ZFAT: variants seen among roughly 807,000 people sequenced by gnomAD.
The protein encoded by ZFAT is zinc finger protein ZFAT.
A neutral mutation model predicts 117.7 loss-of-function variants in ZFAT; 64 were observed. That is an observed-to-expected ratio of 0.54 (90% confidence interval 0.44 to 0.67). The LOEUF is 0.67. Among genes scored for constraint, ZFAT ranks in the 30% least tolerant of loss-of-function variants. The probability of loss-of-function intolerance (pLI) is 0.00; values close to 1 mark genes in which losing one functional copy is unlikely to be tolerated. For missense variants in ZFAT, 1,433 were observed against 1,584.5 expected, an observed-to-expected ratio of 0.90 and a Z score of 1.62; for synonymous variants, 679 against 615.0, an observed-to-expected ratio of 1.10 and a Z score of -1.54.
At position 134,674,529 on chromosome 8, in the gene ZFAT, A is replaced by G. The variant is rs139815083; in HGVS notation, c.20-16792T>C. 2.4e-3 allele frequency among the ~76,000 whole-genome samples: 364 copies of G among 152,316 alleles called. 2 individuals carry two copies. The highest frequency in any genetic ancestry group is 8.5e-3 in the African/African-American group (352 of 41,582). On this transcript the variant is annotated intron_variant, in intron 1 of 15. Coordinates refer to ENST00000377838, the MANE Select transcript of ZFAT (RefSeq NM_020863.4). Reference sequence around the variant, plus strand: ...CCACCACAGCTCCCTGGGACGGAGCACCTGTGGGAAGGGGCAGCTGTGGGT... The same window carrying G: ...CCACCACAGCTCCCTGGGACGGAGCGCCTGTGGGAAGGGGCAGCTGTGGGT...
chr8:134,633,961 A>T (rs538958135), intron 3 of ZFAT, among the ~76,000 whole-genome samples: 1 of 152,214 alleles, frequency 6.6e-6, no homozygotes, highest in East Asian at 1.9e-4. Context: ...CAGGAGAATC[A>T]CTTGAACCTG....
chr8:134,724,783 A>C, the ZFAT span, among the ~76,000 whole-genome samples: 1 of 151,996 alleles, frequency 6.6e-6, no homozygotes, highest in African/African-American at 2.4e-5. Context: ...AAGGGGGAGA[A>C]ACTCGCCTCC....
At chr8:134,785,157 C>T in the ZFAT span, 1 of 152,192 alleles carries the variant, frequency 6.6e-6, no homozygotes, top group African/African-American at 2.4e-5. Flanking sequence ...ATTTCCTTGA[C>T]TCCTAGTGAG....
chr8:134,509,745 G>C lies in ZFAT; in HGVS notation c.3366C>G (p.Asp1122Glu). 6.2e-7 allele frequency: 1 copy of C among 1,601,738 alleles called. No homozygotes were observed. Among genetic ancestry groups the C allele is most frequent in the Non-Finnish European group, 8.5e-7 (1 of 1,175,554 alleles). The part of the protein sequence containing the change: ...QDLRYTSESG[D>E]RLDPTAVNIL... ...TGTTCACGGCCGTGGGGTCCAGTCG[G>C]TCGCCTTAAGAGGAAGAAGCAAAGA... The change falls in exon 15 of 16, where the codon GAC becomes GAG. Residue 1122 changes from aspartate to glutamate, a missense_variant. Transcript: ENST00000377838.
At position 134,712,853 on chromosome 8, in the gene ZFAT, C is replaced by T. The variant is rs1165336727; in HGVS notation, c.11G>A (p.Arg4Gln). Residue 4 changes from arginine to glutamine, a missense_variant, in exon 1 of 16, where the codon CGG becomes CAG. This residue lies in a region of ZFAT where 436 missense variants were observed against 482.0 expected (regional missense o/e 0.90). Transcript: ENST00000377838. Reference sequence around the variant, plus strand: ...CCCCCAGCCCGGCTCACCTGCCGCCCGCGTCTCCATGGCAACGCCCCACCG... The same window carrying T: ...CCCCCAGCCCGGCTCACCTGCCGCCTGCGTCTCCATGGCAACGCCCCACCG... METRAAENTAIFMC... is the reference protein window; with the variant it reads METQAAENTAIFMC... 5 of 1,505,118 alleles carry T rather than the reference C, an allele frequency of 3.3e-6. No individual in the cohort carries two copies. The highest frequency in any genetic ancestry group is 2.9e-5 in the East Asian group (1 of 35,030). 93.2% of individuals were successfully genotyped at this position (1,505,118 alleles called of 1,614,324 possible). A position where few individuals can be genotyped will look rare whatever the true frequency, so the allele number is the denominator to read the frequency against.
the ZFAT span, among the ~76,000 whole-genome samples, chr8:134,727,439 A>G: frequency 6.6e-6 from 1 of 152,172 alleles, no homozygotes; most frequent in Non-Finnish European, 1.5e-5. Context: ...TGTCTCCTCT[A>G]TCTGCCTTTC....
At chr8:134,492,615 T>C (rs796905833) in intron 15 of ZFAT, among the ~76,000 whole-genome samples, 40 of 152,254 alleles carry the variant, frequency 2.6e-4, no homozygotes, top group African/African-American at 8.7e-4. Flanking sequence ...TCCTTTTCAT[T>C]CTCAAAAGGG....
chr8:134,556,500 A>G (rs1424881325), intron 11 of ZFAT, among the ~76,000 whole-genome samples: 1 of 152,144 alleles, frequency 6.6e-6, no homozygotes, highest in African/African-American at 2.4e-5. Context: ...GGTAAATATA[A>G]AGGAAACCAC....
the ZFAT span, among the ~76,000 whole-genome samples, chr8:134,720,718 C>T: frequency 1.3e-5 from 2 of 152,268 alleles, no homozygotes; most frequent in African/African-American, 4.8e-5. Context: ...ATCCCGAAGG[C>T]AAATACTCTG....
the ZFAT span, among the ~76,000 whole-genome samples, chr8:134,730,638 C>A: frequency 6.6e-6 from 1 of 152,164 alleles, no homozygotes; most frequent in Non-Finnish European, 1.5e-5. Context: ...AAGATGTGTG[C>A]GGACATCTCT....
chr8:134,709,661 G>A (rs1265637383), intron 1 of ZFAT, among the ~76,000 whole-genome samples: 1 of 152,194 alleles, frequency 6.6e-6, no homozygotes, highest in Admixed American at 6.5e-5. Context: ...TATCTACAAA[G>A]GGAAATGCAA....
rs190111181 is a variant in ZFAT, at chr8:134,650,405, C to T, written c.196+7156G>A. 3.7e-3 allele frequency among the ~76,000 whole-genome samples: 566 copies of T among 152,192 alleles called. 1 individual carries two copies. Among genetic ancestry groups the T allele is most frequent in the Non-Finnish European group, 6.5e-3 (440 of 67,994 alleles). On this transcript the variant is annotated intron_variant, in intron 2 of 15. Transcript: ENST00000377838. ...CTTCCCAAAGTGCTGGGATTACAGT[C>T]GTGAGCCACTGCGCCCGGCCTAAAC...
At chr8:134,583,508 G>A (rs1292050934) in intron 10 of ZFAT, among the ~76,000 whole-genome samples, 1 of 152,140 alleles carries the variant, frequency 6.6e-6, no homozygotes, top group Non-Finnish European at 1.5e-5. Context: ...TGGTGATGGA[G>A]GGCTAAAAAG....
At chr8:134,567,987 C>T (rs1452152490) in intron 10 of ZFAT, among the ~76,000 whole-genome samples, 2 of 152,250 alleles carry the variant, frequency 1.3e-5, no homozygotes, top group Non-Finnish European at 2.9e-5. Context: ...CCGCCTTGTA[C>T]AAGGCAGGGC....
At chr8:134,671,548 C>T (rs1455384145) in intron 1 of ZFAT, among the ~76,000 whole-genome samples, 1 of 152,182 alleles carries the variant, frequency 6.6e-6, no homozygotes, top group African/African-American at 2.4e-5. Context: ...CAACAAAATT[C>T]AACAGCCCTT....
the ZFAT span, among the ~76,000 whole-genome samples, chr8:134,823,551 C>A: frequency 6.6e-6 from 1 of 152,176 alleles, no homozygotes; most frequent in African/African-American, 2.4e-5. Flanking sequence ...GGTTAAGTAA[C>A]TTGCCTAAGA....
At chr8:134,651,252 T>C (rs1831222629) in intron 2 of ZFAT, among the ~76,000 whole-genome samples, 1 of 152,248 alleles carries the variant, frequency 6.6e-6, no homozygotes, top group Non-Finnish European at 1.5e-5. Flanking sequence ...GAAGCATTAT[T>C]CAGTAGCCTA....
At chr8:134,630,053 C>T (rs568832652) in intron 3 of ZFAT, among the ~76,000 whole-genome samples, 1 of 152,338 alleles carries the variant, frequency 6.6e-6, no homozygotes, top group South Asian at 2.1e-4. Context: ...GAGCCACTGT[C>T]ACTCAGGGTA....
chr8:134,481,803 C>A (rs1817327914), intron 15 of ZFAT, among the ~76,000 whole-genome samples: 2 of 152,216 alleles, frequency 1.3e-5, no homozygotes, highest in Admixed American at 1.3e-4. Flanking sequence ...GTTAGTAACT[C>A]TGCAGCAGCA....
Sources: allele counts gnomAD v4.1 joint callset (sites outside exome capture counted in the v4.1 genomes callset), GRCh38; gene constraint gnomAD v4.1.1; regional missense constraint gnomAD v4.1.1; transcripts MANE v1.5; gene names NCBI Gene and HGNC (gene_info 2026-07-23, HGNC 2026-07-21).